The following ZC3H12B variants were observed in gnomAD, a reference collection of about 807,000 sequenced individuals.
ZC3H12B encodes zinc finger CCCH-type containing 12B.
ZC3H12B carries 7 observed loss-of-function variants against 43.9 expected under a neutral mutation model. The observed-to-expected ratio is 0.16, with a 90% CI of 0.09 to 0.30. The LOEUF is 0.30. Ranked by LOEUF, ZC3H12B falls within the 10% of genes least tolerant of loss-of-function variation. ZC3H12B has a pLI of 1.00. For synonymous variants in ZC3H12B, 222 were observed against 241.7 expected (o/e 0.92, Z 0.76); for missense variants, 475 against 670.2 (o/e 0.71, Z 3.22).
At chrX:65,448,993 G>GAAAGAAAGAAAGAAAGAGAAAGAAAGAA (rs1569412222) in intron 3 of ZC3H12B, among the ~76,000 whole-genome samples, 1 of 30,777 alleles carries the variant, frequency 3.2e-5, no homozygotes, top group Admixed American at 3.3e-4. Flanking sequence ...AAGAAAGAAA[G>GAAAGAAAGAAAGAAAGAGAAAGAAAGAA]AGAGGAAAGA....
At chrX:65,102,945 A>G in the ZC3H12B span, among the ~76,000 whole-genome samples, 50 of 111,526 alleles carry the variant, frequency 4.5e-4, no homozygotes, top group African/African-American at 1.5e-3. Context: ...TTCAAGGGCA[A>G]TAAAATATCA....
chrX:65,490,663 G>A (rs2068190933), intron 1 of ZC3H12B, among the ~76,000 whole-genome samples: 1 of 110,960 alleles, frequency 9.0e-6, no homozygotes, highest in South Asian at 3.8e-4. Flanking sequence ...TTTTGTGCCA[G>A]AGAGCCATAG....
intron 3 of ZC3H12B, among the ~76,000 whole-genome samples, chrX:65,414,757 T>C (rs2066941292): frequency 8.9e-6 from 1 of 111,792 alleles, no homozygotes; most frequent in African/African-American, 3.2e-5. Flanking sequence ...CAGAATGACA[T>C]AGAGAGATGG....
At chrX:65,431,429 G>A in intron 3 of ZC3H12B, among the ~76,000 whole-genome samples, 1 of 112,397 alleles carries the variant, frequency 8.9e-6, no homozygotes, top group Admixed American at 9.4e-5. Flanking sequence ...CTCAGTGGTG[G>A]CCTTAGCCAA....
the ZC3H12B span, chrX:65,186,524 T>A: frequency 9.3e-6 from 1 of 107,192 alleles, no homozygotes; most frequent in African/African-American, 3.4e-5. Flanking sequence ...GGAAAATAGC[T>A]TATATTTCTT....
At chrX:65,166,744 G>T in the ZC3H12B span, among the ~76,000 whole-genome samples, 1 of 111,821 alleles carries the variant, frequency 8.9e-6, no homozygotes, top group Non-Finnish European at 1.9e-5. Context: ...ATTCTAACTG[G>T]TGTGAGATGG....
chrX:65,096,539 A>G, the ZC3H12B span, among the ~76,000 whole-genome samples: 1 of 111,852 alleles, frequency 8.9e-6, no homozygotes, highest in Non-Finnish European at 1.9e-5. Flanking sequence ...CTGTTAATAG[A>G]CTGGGTATTG....
chrX:65,330,126 A>T, the ZC3H12B span, among the ~76,000 whole-genome samples: 5 of 111,751 alleles, frequency 4.5e-5, no homozygotes, highest in Non-Finnish European at 9.4e-5. Context: ...TGGAATCTAT[A>T]AATTACCTTG....
the ZC3H12B span, among the ~76,000 whole-genome samples, chrX:65,142,217 C>G: frequency 1.5e-4 from 17 of 112,282 alleles, no homozygotes; most frequent in East Asian, 4.8e-3. Context: ...AAGGTGGTAT[C>G]ACATGCTGGT....
the ZC3H12B span, among the ~76,000 whole-genome samples, chrX:65,049,009 A>G: frequency 9.0e-6 from 1 of 111,021 alleles, no homozygotes; most frequent in African/African-American, 3.3e-5. Flanking sequence ...CTTTTCTCAT[A>G]TTATAATCAG....
the ZC3H12B span, among the ~76,000 whole-genome samples, chrX:65,134,626 G>A: frequency 1.3e-4 from 15 of 111,531 alleles, no homozygotes; most frequent in Middle Eastern, 4.6e-3. Context: ...ACCCAAGGTC[G>A]TAGGGGGATC....
At chrX:65,095,280 A>T in the ZC3H12B span, among the ~76,000 whole-genome samples, 1 of 112,017 alleles carries the variant, frequency 8.9e-6, no homozygotes, top group East Asian at 2.8e-4. Context: ...AGTTTAAAAG[A>T]TGCATTCAAA....
At chrX:65,320,649 A>G in the ZC3H12B span, among the ~76,000 whole-genome samples, 1 of 112,532 alleles carries the variant, frequency 8.9e-6, no homozygotes, top group African/African-American at 3.2e-5. Flanking sequence ...TTCAAGCTAT[A>G]CTACAGCATT....
the ZC3H12B span, among the ~76,000 whole-genome samples, chrX:65,142,191 C>G: frequency 8.9e-6 from 1 of 112,065 alleles, no homozygotes; most frequent in Non-Finnish European, 1.9e-5. Flanking sequence ...TTGATTATAG[C>G]CATTCTTGCA....
the ZC3H12B span, among the ~76,000 whole-genome samples, chrX:65,100,071 C>T: frequency 2.7e-4 from 30 of 111,358 alleles, no homozygotes; most frequent in Admixed American, 1.8e-3. Flanking sequence ...AAACACAGTA[C>T]GAGAACTTCG....
chrX:65,175,145 T>A, the ZC3H12B span, among the ~76,000 whole-genome samples: 1 of 111,435 alleles, frequency 9.0e-6, no homozygotes, highest in Admixed American at 9.5e-5. Context: ...GGTCCCTGGC[T>A]CCTTGCACTT....
At chrX:65,066,430 G>A in the ZC3H12B span, among the ~76,000 whole-genome samples, 1 of 111,486 alleles carries the variant, frequency 9.0e-6, no homozygotes, top group Non-Finnish European at 1.9e-5. Context: ...TTTGCTGGAG[G>A]TCCACTCCAG....
At chrX:65,244,435 C>A in the ZC3H12B span, among the ~76,000 whole-genome samples, 1 of 109,954 alleles carries the variant, frequency 9.1e-6, no homozygotes, top group Non-Finnish European at 1.9e-5. Context: ...CACAGAGTTG[C>A]CACAATACTT....
the ZC3H12B span, among the ~76,000 whole-genome samples, chrX:65,078,775 G>T: frequency 9.0e-6 from 1 of 110,893 alleles, no homozygotes; most frequent in Non-Finnish European, 1.9e-5. Context: ...TAGTAATGGG[G>T]TACATGAGAT....
Sources: allele counts gnomAD v4.1 joint callset (sites outside exome capture counted in the v4.1 genomes callset), GRCh38; gene constraint gnomAD v4.1.1; transcripts MANE v1.5; gene names NCBI Gene and HGNC (gene_info 2026-07-23, HGNC 2026-07-21).